CIMIP5: variants seen among roughly 807,000 people sequenced by gnomAD.
CIMIP5 encodes the protein ciliary microtubule inner protein 5, also known as uncharacterized protein C2orf50.
At chr2:11,154,333 C>G in the CIMIP5 span, among the ~76,000 whole-genome samples, 6 of 152,048 alleles carry the variant, frequency 3.9e-5, no homozygotes, top group South Asian at 1.2e-3. Context: ...ACTTGGGAGG[C>G]AGGACTCAGC....
chr2:11,140,577 A>G, the CIMIP5 span: 13 of 1,515,934 alleles, frequency 8.6e-6, no homozygotes, highest in African/African-American at 1.2e-4. Context: ...CCTGCCAAAC[A>G]TACTTGCAAT....
the CIMIP5 span, among the ~76,000 whole-genome samples, chr2:11,147,978 G>C: frequency 6.6e-6 from 1 of 152,130 alleles, no homozygotes; most frequent in Admixed American, 6.6e-5. Flanking sequence ...TGCAGGGTCA[G>C]TGCCAGCAAA....
chr2:11,133,518 G>A, the CIMIP5 span: 1 of 1,608,300 alleles, frequency 6.2e-7, no homozygotes, highest in South Asian at 1.1e-5. Flanking sequence ...TCAGGGAGCT[G>A]CCTGCGATGG....
the CIMIP5 span, among the ~76,000 whole-genome samples, chr2:11,149,916 T>C: frequency 1.3e-5 from 2 of 152,206 alleles, no homozygotes; most frequent in East Asian, 3.9e-4. Context: ...GTGAGTCCAT[T>C]GAGGCTCTGT....
the CIMIP5 span, among the ~76,000 whole-genome samples, chr2:11,147,016 G>A: frequency 6.6e-5 from 10 of 152,226 alleles, no homozygotes; most frequent in Admixed American, 6.5e-4. Context: ...GTGCAGAGGG[G>A]AGAGAATCAC....
At chr2:11,150,852 A>G in the CIMIP5 span, among the ~76,000 whole-genome samples, 3 of 151,210 alleles carry the variant, frequency 2.0e-5, no homozygotes, top group East Asian at 5.8e-4. Context: ...TCTTTACCCT[A>G]CTCAGGATCA....
At chr2:11,141,965 C>T in the CIMIP5 span, among the ~76,000 whole-genome samples, 9 of 152,026 alleles carry the variant, frequency 5.9e-5, no homozygotes, top group African/African-American at 1.9e-4. Context: ...AGATGGATCT[C>T]ACTACAAAAA....
At chr2:11,148,732 C>CTTTTTTTTTTTCTTT in the CIMIP5 span, among the ~76,000 whole-genome samples, 1 of 35,540 alleles carries the variant, frequency 2.8e-5, no homozygotes, top group African/African-American at 5.6e-5. Flanking sequence ...AATGAAAACT[C>CTTTTTTTTTTTCTTT]TTTTTTTTTT....
chr2:11,133,511 G>T, the CIMIP5 span: 1 of 1,608,642 alleles, frequency 6.2e-7, no homozygotes. Context: ...GGGTGGCTCA[G>T]GGAGCTGCCT....
the CIMIP5 span, among the ~76,000 whole-genome samples, chr2:11,139,426 T>A: frequency 6.6e-6 from 1 of 152,202 alleles, no homozygotes; most frequent in East Asian, 1.9e-4. Flanking sequence ...TTATGTTTTG[T>A]AGAATTGTTT....
the CIMIP5 span, among the ~76,000 whole-genome samples, chr2:11,153,899 G>T: frequency 6.7e-6 from 1 of 148,432 alleles, no homozygotes; most frequent in Non-Finnish European, 1.5e-5. Context: ...ACTCCAGCCT[G>T]GGCGACAAGA....
the CIMIP5 span, among the ~76,000 whole-genome samples, chr2:11,147,056 C>T: frequency 6.6e-6 from 1 of 152,192 alleles, no homozygotes; most frequent in Non-Finnish European, 1.5e-5. Context: ...TGAGGAGGGC[C>T]AGGGACCAGC....
At chr2:11,142,497 AAG>A in the CIMIP5 span, among the ~76,000 whole-genome samples, 52 of 152,082 alleles carry the variant, frequency 3.4e-4, no homozygotes, top group Non-Finnish European at 6.9e-4. Flanking sequence ...TCCAGCCTGT[AAG>A]AGTCTCTCCC....
chr2:11,133,897 G>T, the CIMIP5 span, among the ~76,000 whole-genome samples: 1 of 152,148 alleles, frequency 6.6e-6, no homozygotes, highest in South Asian at 2.1e-4. Flanking sequence ...CTGGGTTAGA[G>T]GAGCTGGCTG....
the CIMIP5 span, among the ~76,000 whole-genome samples, chr2:11,135,400 A>G: frequency 6.6e-6 from 1 of 152,114 alleles, no homozygotes; most frequent in Non-Finnish European, 1.5e-5. Context: ...AGCCATCCTA[A>G]TAGGTGTGAC....
chr2:11,152,033 G>C, the CIMIP5 span, among the ~76,000 whole-genome samples: 1 of 152,374 alleles, frequency 6.6e-6, no homozygotes, highest in South Asian at 2.1e-4. Context: ...GGGGGTCGAA[G>C]TGAAGTTTTC....
the CIMIP5 span, among the ~76,000 whole-genome samples, chr2:11,138,898 CT>C: frequency 6.6e-5 from 10 of 151,952 alleles, no homozygotes; most frequent in South Asian, 2.1e-4. Flanking sequence ...ATTACACCTT[CT>C]TTTTTTTATT....
At chr2:11,133,251 G>A in the CIMIP5 span, 102 of 1,461,298 alleles carry the variant, frequency 7.0e-5, 1 homozygote, top group Non-Finnish European at 9.0e-5. Flanking sequence ...GAGTGTTCCA[G>A]GAGGAGGTTT....
chr2:11,133,495 C>T, the CIMIP5 span: 1,163 of 1,608,406 alleles, frequency 7.2e-4, 3 homozygotes, highest in African/African-American at 0.013. Flanking sequence ...GCTCTGAAGG[C>T]GCAGCGGGTG....
Sources: gnomAD v4.1 joint callset for allele counts (sites outside exome capture counted in the v4.1 genomes callset) on GRCh38, gnomAD v4.1.1 for gene constraint, MANE v1.5 for transcripts, NCBI Gene and HGNC (gene_info 2026-07-23, HGNC 2026-07-21) for gene names.